CD163L1: variants seen among roughly 807,000 people sequenced by gnomAD.
The protein encoded by CD163L1 is CD163 molecule like 1.
In CD163L1, 124 loss-of-function variants were observed where a neutral mutation model predicts 165.4. That is an observed-to-expected ratio of 0.75 (90% CI 0.65 to 0.87). CD163L1 has a LOEUF of 0.87. Ranked by LOEUF, CD163L1 falls within the 40% of genes least tolerant of loss-of-function variation. The pLI, the probability that CD163L1 is intolerant of heterozygous loss-of-function variation, is 0.00. For missense variants in CD163L1, 1,525 were observed against 1,799.9 expected (o/e 0.85, Z 2.76); for synonymous variants, 585 against 662.2 (o/e 0.88, Z 1.79).
chr12:7,420,912 C>G lies in CD163L1; in HGVS notation c.766+11504G>C, dbSNP rs956847268. 4.0e-5 allele frequency among the ~76,000 whole-genome samples: 6 copies of G among 148,988 alleles called. No homozygotes were observed. In the East Asian group the frequency reaches 1.2e-3, roughly 29 times the overall value. On this transcript the variant is annotated intron_variant, in intron 4 of 19. Transcript: ENST00000313599. Reference sequence around the variant, plus strand: ...ATTTGCACATGCATGTTTATAGCAGCACAATTTGCAATTGCACAAACATGG... The same window carrying G: ...ATTTGCACATGCATGTTTATAGCAGGACAATTTGCAATTGCACAAACATGG...
intron 8 of CD163L1, among the ~76,000 whole-genome samples, chr12:7,380,390 T>TATACATACATGTATGTGTGTATAC (rs1565784373): frequency 0.036 from 1,468 of 41,336 alleles, 34 homozygotes; most frequent in Non-Finnish European, 0.083. Flanking sequence ...TGTGTGTATA[T>TATACATACATGTATGTGTGTATAC]GCGTATACAC....
At chr12:7,381,165 T>C (rs904694200) in intron 8 of CD163L1, among the ~76,000 whole-genome samples, 1 of 152,208 alleles carries the variant, frequency 6.6e-6, no homozygotes, top group Non-Finnish European at 1.5e-5. Flanking sequence ...TAAATTATAT[T>C]AATAGGTTTA....
the CD163L1 span, among the ~76,000 whole-genome samples, chr12:7,325,385 G>A: frequency 1.3e-5 from 2 of 152,176 alleles, no homozygotes; most frequent in South Asian, 2.1e-4. Context: ...GGTGGCTCAC[G>A]CCTGTAATCC....
intron 4 of CD163L1, among the ~76,000 whole-genome samples, chr12:7,415,377 AAAG>A (rs1311066431): frequency 2.0e-5 from 3 of 152,190 alleles, no homozygotes; most frequent in Non-Finnish European, 4.4e-5. Flanking sequence ...TCACATCACA[AAAG>A]AAGACTTTAA....
chr12:7,324,161 A>G, the CD163L1 span: 8 of 1,372,430 alleles, frequency 5.8e-6, no homozygotes, highest in South Asian at 1.2e-4. Context: ...GTCTCAAAAA[A>G]AAAAAAATTT....
chr12:7,406,214 A>G (rs1308577152), intron 5 of CD163L1, among the ~76,000 whole-genome samples: 2 of 152,236 alleles, frequency 1.3e-5, no homozygotes, highest in Non-Finnish European at 2.9e-5. Context: ...TATTAATATA[A>G]GCCATGCACT....
Position 7,432,416 on chromosome 12 carries a change from CA to C in CD163L1, c.765del (p.Tyr255Ter). On this transcript the variant is annotated frameshift_variant and splice_region_variant, in exon 4 of 20. Coordinates refer to ENST00000313599, the MANE Select transcript of CD163L1 (RefSeq NM_174941.6). LOFTEE classifies it high-confidence loss of function. This position sits in a 1 kb window ranked among gnomAD's most constrained non-coding sequence, Gnocchi z 4.2. ...SHNEDVTLTC[Y>X]DSSDLELRLV... Reference sequence around the variant, plus strand: ...TCTACATGATGTCTTGGGTTCTTACCATAACAAGTTAATGTGACATCCTCAT... The same window carrying C: ...TCTACATGATGTCTTGGGTTCTTACCTAACAAGTTAATGTGACATCCTCAT... 6.2e-7 allele frequency: 1 copy of C among 1,606,336 alleles called. No individual in the cohort carries two copies. Among genetic ancestry groups the C allele is most frequent in the South Asian group, 1.1e-5 (1 of 90,112 alleles).
intron 2 of CD163L1, among the ~76,000 whole-genome samples, chr12:7,434,788 T>C (rs1386021638): frequency 6.6e-6 from 1 of 152,138 alleles, no homozygotes; most frequent in Non-Finnish European, 1.5e-5. Context: ...TGAGTTTCAG[T>C]ACACAATGGC....
chr12:7,396,845 G>GCA (rs891967751), intron 7 of CD163L1, among the ~76,000 whole-genome samples: 1 of 148,046 alleles, frequency 6.8e-6, no homozygotes, highest in African/African-American at 2.4e-5. Flanking sequence ...ACATACATAT[G>GCA]CACACACACA....
At chr12:7,345,797 T>C (rs1946665813), downstream of CD163L1, among the ~76,000 whole-genome samples, 1 of 152,166 alleles carries the variant, frequency 6.6e-6, no homozygotes, top group Non-Finnish European at 1.5e-5. Flanking sequence ...GGCATCTGTT[T>C]GGATGCCTTC....
chr12:7,420,012 T>A (rs555256247), intron 4 of CD163L1, among the ~76,000 whole-genome samples: 6 of 151,950 alleles, frequency 3.9e-5, no homozygotes, highest in African/African-American at 1.4e-4. Context: ...AATAGGCACA[T>A]AGATCAGTGG....
At chr12:7,419,683 C>T (rs1359408118) in intron 4 of CD163L1, among the ~76,000 whole-genome samples, 2 of 151,854 alleles carry the variant, frequency 1.3e-5, no homozygotes, top group Non-Finnish European at 2.9e-5. Context: ...TTAATGTATA[C>T]AAATCAGTAG....
downstream of CD163L1, among the ~76,000 whole-genome samples, chr12:7,350,716 T>C (rs1946701169): frequency 6.6e-6 from 1 of 152,206 alleles, no homozygotes; most frequent in Non-Finnish European, 1.5e-5. Flanking sequence ...GATGTTTTGA[T>C]AATTACCCAA....
chr12:7,357,210 T>C (rs7137838), intron 19 of CD163L1, among the ~76,000 whole-genome samples, 170 bp downstream of exon 19: 2 of 152,184 alleles, frequency 1.3e-5, no homozygotes, highest in Non-Finnish European at 2.9e-5. Flanking sequence ...AACAACTTTC[T>C]CATCAACCTC....
At chr12:7,343,553 G>A (rs1254676487), downstream of CD163L1, among the ~76,000 whole-genome samples, 1 of 152,130 alleles carries the variant, frequency 6.6e-6, no homozygotes, top group African/African-American at 2.4e-5. Context: ...ATATCATACA[G>A]AGAAAGCAAA....
chr12:7,318,906 T>G, the CD163L1 span, among the ~76,000 whole-genome samples: 2 of 152,358 alleles, frequency 1.3e-5, no homozygotes, highest in African/African-American at 4.8e-5. Context: ...GGCAGCAGTC[T>G]GCAACCTTTT....
the CD163L1 span, among the ~76,000 whole-genome samples, chr12:7,336,717 T>C: frequency 6.6e-6 from 1 of 152,076 alleles, no homozygotes; most frequent in Non-Finnish European, 1.5e-5. Flanking sequence ...TCCATGCTCA[T>C]GCATAGGAAG....
chr12:7,443,652 A>G (rs1247395876), intron 1 of CD163L1, among the ~76,000 whole-genome samples: 1 of 152,226 alleles, frequency 6.6e-6, no homozygotes, highest in East Asian at 1.9e-4. Context: ...ATGACCTTAC[A>G]TAAGTCAGTT....
chr12:7,385,581 C>T (rs1289848689), intron 8 of CD163L1, among the ~76,000 whole-genome samples: 1 of 152,066 alleles, frequency 6.6e-6, no homozygotes, highest in Middle Eastern at 3.4e-3. Context: ...GCACATAAAA[C>T]GTTTTCCAGA....
Sources: gnomAD v4.1 joint callset for allele counts (sites outside exome capture counted in the v4.1 genomes callset) on GRCh38, gnomAD v4.1.1 for gene constraint, Gnocchi (gnomAD v3.1) non-coding constraint, MANE v1.5 for transcripts, NCBI Gene and HGNC (gene_info 2026-07-23, HGNC 2026-07-21) for gene names.